Variants in INTS11 observed in about 807,000 individuals in gnomAD.
INTS11 encodes the protein integrator complex subunit 11.
Under a neutral mutation model 78.6 loss-of-function variants are expected in INTS11, and 77 were observed. The observed-to-expected ratio is 0.98, with a 90% CI of 0.81 to 1.18. The LOEUF (loss-of-function observed/expected upper bound fraction) is 1.18, where lower values mean the gene tolerates loss of function less well. Among genes scored for constraint, INTS11 ranks in the 50% most tolerant of loss-of-function variants. The pLI, the probability that INTS11 is intolerant of heterozygous loss-of-function variation, is 0.00. For missense variants in INTS11, 875 were observed against 825.9 expected, an observed-to-expected ratio of 1.06 and a Z score of -0.73; for synonymous variants, 441 against 326.9, an observed-to-expected ratio of 1.35 and a Z score of -3.77.
chr1:1,319,595 G>A lies in INTS11; in HGVS notation c.201-71C>T, dbSNP rs1408829385. On this transcript the variant is annotated intron_variant, in intron 3 of 16. Transcript: ENST00000435064. ...CCTTCACCCCCGCTCTGGGCTTGTG[G>A]GTCACTGGCCCCTTCATTCGCCTGC... 7 of 1,103,030 alleles carry A rather than the reference G, an allele frequency of 6.3e-6. No homozygotes were observed. In the South Asian group the frequency reaches 7.5e-5, roughly 12 times the overall value. 68.3% of individuals were successfully genotyped at this position (1,103,030 alleles called of 1,614,324 possible). A position where few individuals can be genotyped will look rare whatever the true frequency, so the allele number is the denominator to read the frequency against.
intron 16 of INTS11, 31 bp from the exon 17 acceptor site, chr1:1,311,955 T>C (rs761808624): frequency 1.9e-6 from 3 of 1,593,152 alleles, no homozygotes; most frequent in Non-Finnish European, 2.6e-6. Flanking sequence ...TTGTGGGTGG[T>C]GCAGGACAGG....
Position 1,312,213 on chromosome 1 carries a change from G to GCCGGGGGCCCCCCCCCCCCCCCCCCC in INTS11, c.1607+12_1607+13insGGGGGGGGGGGGGGGGGGGCCCCCGG. The stretch of plus-strand genomic sequence containing the variant: ...CCCAAGGGAGTGGGGGGGGGGCGGG[G>GCCGGGGGCCCCCCCCCCCCCCCCCCC]CCGGGCGCCCACCTCTTGAGGTGGC... On this transcript the variant is annotated intron_variant, in intron 15 of 16. Transcript: ENST00000435064. 4 of 934,608 alleles carry GCCGGGGGCCCCCCCCCCCCCCCCCCC rather than the reference G, an allele frequency of 4.3e-6. No homozygotes were observed. Among genetic ancestry groups the GCCGGGGGCCCCCCCCCCCCCCCCCCC allele is most frequent in the Non-Finnish European group, 3.1e-6 (2 of 636,656 alleles). The allele number at this position is 934,608 out of a possible 1,614,324, so 57.9% of individuals were successfully genotyped here. A position where few individuals can be genotyped will look rare whatever the true frequency, so the allele number is the denominator to read the frequency against.
chr1:1,321,118 C>T, intron 1 of INTS11, 25 bp from the exon 2 acceptor site: 1 of 1,568,466 alleles, frequency 6.4e-7, no homozygotes, highest in Non-Finnish European at 8.7e-7. Context: ...GCAGATGAGT[C>T]ACTGCTGCGC....
At chr1:1,312,177 G>T in intron 15 of INTS11, 30 bp from the exon 16 acceptor site, 1 of 1,449,906 alleles carries the variant, frequency 6.9e-7, no homozygotes. Context: ...GACCCTGCCT[G>T]GCCTCCAGGG....
At position 1,312,213 on chromosome 1, in the gene INTS11, G is replaced by GGGGGGGGGCCCCCCCCCCCCCCC; in HGVS notation, c.1607+12_1607+13insGGGGGGGGGGGGGGGCCCCCCCC. On this transcript the variant is annotated intron_variant, in intron 15 of 16. Coordinates refer to ENST00000435064, the MANE Select transcript of INTS11 (RefSeq NM_017871.6). ...CCCAAGGGAGTGGGGGGGGGGCGGGGCCGGGCGCCCACCTCTTGAGGTGGC... is the reference window on the plus strand; with the variant it reads ...CCCAAGGGAGTGGGGGGGGGGCGGGGGGGGGGGGCCCCCCCCCCCCCCCCCGGGCGCCCACCTCTTGAGGTGGC... The GGGGGGGGGCCCCCCCCCCCCCCC allele has an allele frequency of 7.5e-6, 7 of 934,554 alleles. No individual in the cohort carries two copies. Among genetic ancestry groups the GGGGGGGGGCCCCCCCCCCCCCCC allele is most frequent in the Non-Finnish European group, 1.1e-5 (7 of 636,606 alleles). The allele number at this position is 934,554 out of a possible 1,614,324, so 57.9% of individuals were successfully genotyped here. A position where few individuals can be genotyped will look rare whatever the true frequency, so the allele number is the denominator to read the frequency against.
Position 1,312,854 on chromosome 1 carries a change from G to A in INTS11, c.1227C>T (p.Ser409=), listed in dbSNP as rs906285805. 68 of 1,611,966 alleles carry A rather than the reference G, an allele frequency of 4.2e-5. No homozygotes were observed. The highest frequency in any genetic ancestry group is 1.0e-4 in the Admixed American group (6 of 60,002). ...TGGCCTCGCCATGCACCAGCAGCAC[G>A]CTCTCCGGCTCTGCCTGGCCCACCA... is the stretch of plus-strand genomic sequence containing the variant. ...MQLVGQAEPE[S]VLLVHGEAKK... Residue 409 remains serine, a synonymous_variant, in exon 12 of 17, where the codon AGC becomes AGT. Coordinates refer to ENST00000435064, the MANE Select transcript of INTS11 (RefSeq NM_017871.6).
Position 1,319,250 on chromosome 1 carries a change from T to G in INTS11, c.429+46A>C. ...GAACGGGCGGAGGGCATGGTTGGTG[T>G]GGGGGTGGGCAGTGACTGTGCCAGC... On this transcript the variant is annotated intron_variant, in intron 4 of 16. Transcript: ENST00000435064. 2.0e-6 allele frequency: 3 copies of G among 1,479,780 alleles called. No individual in the cohort carries two copies. The South Asian group carries it at 3.4e-5, about 17-fold the overall frequency. 91.7% of individuals were successfully genotyped at this position (1,479,780 alleles called of 1,614,324 possible). A position where few individuals can be genotyped will look rare whatever the true frequency, so the allele number is the denominator to read the frequency against.
rs553875387 is a variant in INTS11, at chr1:1,312,243, G to A, written c.1590C>T (p.Val530=). The A allele has an allele frequency of 1.5e-5, 23 of 1,536,610 alleles. No individual in the cohort carries two copies. The African/African-American group carries it at 2.9e-4, about 19-fold the overall frequency. The change falls in exon 15 of 17, where the codon GTC becomes GTT. Residue 530 remains valine, a synonymous_variant. Transcript: ENST00000435064. ...GCGCCCACCTCTTGAGGTGGCTGTA[G>A]ACGCGCAATGCCGTCTCCTGCTCCT... ...TRKEQETALR[V]YSHLKSVLKD...
Position 1,314,787 on chromosome 1 carries a change from G to A in INTS11, c.702+37C>T. On this transcript the variant is annotated intron_variant, in intron 7 of 16. Coordinates refer to ENST00000435064, the MANE Select transcript of INTS11 (RefSeq NM_017871.6). This position sits in a 1 kb window ranked among gnomAD's most constrained non-coding sequence, Gnocchi z 4.2. ...CCTGCCAGAAAGACCAGCCCAGCATGGCCGAGGGCCCATGTCCCCACCCCT... is the reference window on the plus strand; with the variant it reads ...CCTGCCAGAAAGACCAGCCCAGCATAGCCGAGGGCCCATGTCCCCACCCCT... 1 of 1,590,490 alleles carries A rather than the reference G, an allele frequency of 6.3e-7. No homozygotes were observed.
rs1642415569 is a variant in INTS11 at position 1,314,000 on chromosome 1, A to T, written c.768-79T>A. On this transcript the variant is annotated intron_variant, in intron 8 of 16. Transcript: ENST00000435064. ...GCAGGACTCGGCCGGGTCACCCCCA[A>T]CACCCGTGTCTGCACAGCCCACGCA... is the stretch of plus-strand genomic sequence containing the variant. 3.7e-5 allele frequency: 54 copies of T among 1,446,254 alleles called. 1 individual carries two copies. In the South Asian group the frequency reaches 6.5e-4, roughly 17 times the overall value. The allele number at this position is 1,446,254 out of a possible 1,614,324, so 89.6% of individuals were successfully genotyped here.
Position 1,312,874 on chromosome 1 carries a change from C to T in INTS11, c.1207G>A (p.Gly403Ser). 3 of 1,612,504 alleles carry T rather than the reference C, an allele frequency of 1.9e-6. No homozygotes were observed. Among genetic ancestry groups the T allele is most frequent in the Non-Finnish European group, 2.5e-6 (3 of 1,179,898 alleles). The change falls in exon 12 of 17, where the codon GGC (glycine) becomes AGC (serine). Residue 403 changes from glycine (G) to serine (S), a missense_variant. Coordinates refer to ENST00000435064, the MANE Select transcript of INTS11 (RefSeq NM_017871.6). The part of the protein sequence containing the change: ...ADAKGIMQLV[G>S]QAEPESVLLV... ...AGCACGCTCTCCGGCTCTGCCTGGC[C>T]CACCAGCTGCATGATGCCCTTGGCG...
intron 1 of INTS11, among the ~76,000 whole-genome samples, chr1:1,321,717 C>T (rs989689020): frequency 1.1e-4 from 17 of 152,352 alleles, no homozygotes; most frequent in African/African-American, 4.1e-4. Context: ...TCATCTGCAG[C>T]CCTCCCACAC....
chr1:1,320,490 G>A lies in INTS11; in HGVS notation c.166C>T (p.Arg56Cys), dbSNP rs763651338. Residue 56 changes from arginine (R) to cysteine (C), a missense_variant, in exon 3 of 17, where the codon CGC (arginine) becomes TGC (cysteine). Transcript: ENST00000435064. ...ACACAGTCCAGGAAGTCTGTTAGGC[G>A]GCCGTTCTGGGTGATGTAGGAGAAG... ...PDFSYITQNG[R>C]LTDFLDCVII... 20 of 1,613,952 alleles carry A rather than the reference G, an allele frequency of 1.2e-5. No homozygotes were observed. The highest frequency in any genetic ancestry group is 1.3e-5 in the Non-Finnish European group (15 of 1,179,974).
rs765446821 is a variant in INTS11, at chr1:1,312,248, G to A, written c.1585C>T (p.Arg529Cys). Reference protein sequence around the residue: ...DTRKEQETALRVYSHLKSVLK... With the variant: ...DTRKEQETALCVYSHLKSVLK... ...CACCTCTTGAGGTGGCTGTAGACGC[G>A]CAATGCCGTCTCCTGCTCCTTGCGT... The change falls in exon 15 of 17, where the codon CGC (arginine) becomes TGC (cysteine). Residue 529 changes from arginine to cysteine, a missense_variant. By Grantham distance (180) the Arg-to-Cys change is radical (BLOSUM62 -3). Coordinates refer to ENST00000435064, the MANE Select transcript of INTS11 (RefSeq NM_017871.6). 87 of 1,540,254 alleles carry A rather than the reference G, an allele frequency of 5.6e-5. No homozygotes were observed. The highest frequency in any genetic ancestry group is 9.9e-5 in the Admixed American group (5 of 50,596).
At chr1:1,312,185 G>C (rs1176348357) in intron 15 of INTS11, 38 bp from the exon 16 acceptor site, 1 of 1,436,696 alleles carries the variant, frequency 7.0e-7, no homozygotes, top group Non-Finnish European at 9.1e-7. Flanking sequence ...CTGGCCTCCA[G>C]GGCCCAAGGG....
chr1:1,322,105 C>T (rs372457890), intron 1 of INTS11: 2 of 570,924 alleles, frequency 3.5e-6, no homozygotes, highest in East Asian at 3.5e-5. Context: ...CCCCAAGCCA[C>T]GCCAGGCTCA....
At chr1:1,321,556 C>T (rs1227424252) in intron 1 of INTS11, among the ~76,000 whole-genome samples, 1 of 152,258 alleles carries the variant, frequency 6.6e-6, no homozygotes, top group Non-Finnish European at 1.5e-5. Context: ...TAAGTGCTGG[C>T]ACTGGGTGTT....
At chr1:1,320,259 G>A (rs778547811) in intron 3 of INTS11, 197 bp downstream of exon 3, 33 of 594,160 alleles carry the variant, frequency 5.6e-5, no homozygotes, top group Non-Finnish European at 9.1e-5. Flanking sequence ...TCAGAGGGCA[G>A]GGCCGGAAGA....
Position 1,324,567 on chromosome 1 carries a change from C to T in INTS11, c.28+14G>A, listed in dbSNP as rs373639298. ...GGAGCCCACCCCACAGCCCTCCCGG[C>T]GGCTCCCACTCACCCAAGGGCGTGA... On this transcript the variant is annotated intron_variant, in intron 1 of 16. Coordinates refer to ENST00000435064, the MANE Select transcript of INTS11 (RefSeq NM_017871.6). 6 of 1,589,896 alleles carry T rather than the reference C, an allele frequency of 3.8e-6. No homozygotes were observed. The highest frequency in any genetic ancestry group is 2.4e-5 in the East Asian group (1 of 41,644).
Sources: allele counts gnomAD v4.1 joint callset (sites outside exome capture counted in the v4.1 genomes callset), GRCh38; gene constraint gnomAD v4.1.1; non-coding constraint Gnocchi (gnomAD v3.1); transcripts MANE v1.5; gene names NCBI Gene and HGNC (gene_info 2026-07-23, HGNC 2026-07-21).